The following ANO2 variants were observed in gnomAD, a reference collection of about 807,000 sequenced individuals.
The protein encoded by ANO2 is anoctamin-2.
ANO2 carries 101 observed loss-of-function variants against 124.2 expected under a neutral mutation model. The observed-to-expected ratio is 0.81, with a 90% CI of 0.69 to 0.96. ANO2 has a LOEUF of 0.96. Ranked by LOEUF, ANO2 falls within the 40% of genes least tolerant of loss-of-function variation. ANO2 has a pLI of 0.00. For synonymous variants in ANO2, 486 were observed against 482.5 expected (o/e 1.01, Z -0.09); for missense variants, 1,293 against 1,274.5 (o/e 1.01, Z -0.22).
chr12:5,689,718 G>A (rs994356435), intron 14 of ANO2, among the ~76,000 whole-genome samples: 1 of 152,118 alleles, frequency 6.6e-6, no homozygotes, highest in African/African-American at 2.4e-5. Flanking sequence ...CTACAGCACT[G>A]GATAGGCTTA....
chr12:5,747,903 G>A (rs1343148350), intron 11 of ANO2, among the ~76,000 whole-genome samples: 2 of 152,216 alleles, frequency 1.3e-5, no homozygotes, highest in African/African-American at 2.4e-5. Flanking sequence ...CCGCAGTAAC[G>A]ACTGCATTTT....
At chr12:5,825,023 G>C (rs1370208868) in intron 7 of ANO2, among the ~76,000 whole-genome samples, 2 of 152,188 alleles carry the variant, frequency 1.3e-5, no homozygotes, top group Non-Finnish European at 2.9e-5. Context: ...GGAAATTCTG[G>C]GAGATACAAT....
At chr12:5,613,680 T>C (rs765194799) in intron 17 of ANO2, among the ~76,000 whole-genome samples, 1 of 152,200 alleles carries the variant, frequency 6.6e-6, no homozygotes, top group Non-Finnish European at 1.5e-5. Context: ...GAAGTCTTCT[T>C]GTTGTCTCCG....
chr12:5,704,901 T>C (rs1216491773), intron 14 of ANO2, among the ~76,000 whole-genome samples: 1 of 152,234 alleles, frequency 6.6e-6, no homozygotes, highest in Non-Finnish European at 1.5e-5. Flanking sequence ...AAGGTGGTTA[T>C]ATTTTTAAAA....
chr12:5,695,375 TAAAAA>T (rs78967769), intron 14 of ANO2, among the ~76,000 whole-genome samples: 1 of 127,822 alleles, frequency 7.8e-6, no homozygotes. Context: ...ACATGGAACT[TAAAAA>T]AAAAAAAAAA....
intron 16 of ANO2, among the ~76,000 whole-genome samples, chr12:5,619,827 C>T (rs1237137635): frequency 2.0e-5 from 3 of 152,242 alleles, no homozygotes; most frequent in African/African-American, 7.2e-5. Context: ...TTTAGACGTG[C>T]TGAAACTGAA....
chr12:5,813,082 AAAAAAGGAAGAG>A (rs1953487908), intron 7 of ANO2, among the ~76,000 whole-genome samples: 1 of 150,926 alleles, frequency 6.6e-6, no homozygotes, highest in Admixed American at 6.6e-5. Context: ...AAGAGGAAGG[AAAAAAGGAAGAG>A]AGGAAGGAAG....
intron 3 of ANO2, among the ~76,000 whole-genome samples, chr12:5,920,326 G>A (rs903511032): frequency 1.3e-5 from 2 of 152,012 alleles, no homozygotes; most frequent in Non-Finnish European, 2.9e-5. Flanking sequence ...TCATATAGAG[G>A]AATTTTATTC....
At chr12:5,669,156 T>C (rs61908098) in intron 14 of ANO2, among the ~76,000 whole-genome samples, 36,362 of 152,070 alleles carry the variant, frequency 0.24, 4,494 homozygotes, top group South Asian at 0.32. Flanking sequence ...CAATATTGAT[T>C]CTTCCTATCC....
intron 14 of ANO2, among the ~76,000 whole-genome samples, chr12:5,686,988 T>C (rs1948736750): frequency 6.6e-6 from 1 of 152,180 alleles, no homozygotes; most frequent in East Asian, 1.9e-4. Flanking sequence ...TGGGTGTGCA[T>C]GCACATGCCC....
At chr12:5,750,227 A>C (rs1050803886) in intron 11 of ANO2, among the ~76,000 whole-genome samples, 1 of 151,820 alleles carries the variant, frequency 6.6e-6, no homozygotes, top group Admixed American at 6.6e-5. Flanking sequence ...GAGCCACCAT[A>C]CTCATCCCAT....
At chr12:5,742,706 A>T (rs961216951) in intron 12 of ANO2, among the ~76,000 whole-genome samples, 14 of 152,238 alleles carry the variant, frequency 9.2e-5, no homozygotes, top group African/African-American at 3.4e-4. Context: ...TCTGCAAGAC[A>T]AATTATGGGC....
chr12:5,692,214 C>T (rs1948974840), intron 14 of ANO2, among the ~76,000 whole-genome samples: 1 of 151,878 alleles, frequency 6.6e-6, no homozygotes, highest in Non-Finnish European at 1.5e-5. Flanking sequence ...ATGTTCAGAG[C>T]AAGGATAGAT....
intron 14 of ANO2, among the ~76,000 whole-genome samples, chr12:5,718,403 A>T (rs1425352900): frequency 6.6e-6 from 1 of 152,216 alleles, no homozygotes. Flanking sequence ...AGGGGTGAAC[A>T]AGGGTTTGGA....
chr12:5,898,282 T>G (rs770281357), intron 3 of ANO2, among the ~76,000 whole-genome samples: 3 of 152,178 alleles, frequency 2.0e-5, no homozygotes, highest in Non-Finnish European at 4.4e-5. Flanking sequence ...GGAACTCTCC[T>G]ACACTACTAA....
At chr12:5,612,979 AAG>A (rs1451016725) in intron 17 of ANO2, 21 bp from the exon 18 acceptor site, 1 of 1,613,308 alleles carries the variant, frequency 6.2e-7, no homozygotes, top group African/African-American at 1.3e-5. Flanking sequence ...ACAGTGTGGG[AAG>A]AGTTAGGGGA....
intron 20 of ANO2, among the ~76,000 whole-genome samples, chr12:5,591,946 A>T (rs1404388937): frequency 6.6e-6 from 1 of 152,196 alleles, no homozygotes; most frequent in Non-Finnish European, 1.5e-5. Context: ...TCTGAAAGAG[A>T]TCATCTCACC....
chr12:5,621,374 GA>G (rs1235747310), intron 16 of ANO2, among the ~76,000 whole-genome samples: 1 of 152,222 alleles, frequency 6.6e-6, no homozygotes, highest in East Asian at 1.9e-4. Flanking sequence ...GTATTCCAAG[GA>G]GGACAAATTC....
chr12:5,930,263 C>G (rs374608618), intron 1 of ANO2, among the ~76,000 whole-genome samples: 17 of 151,874 alleles, frequency 1.1e-4, no homozygotes, highest in East Asian at 3.9e-4. Context: ...TATACAATAC[C>G]TGGGAAGTTA....
Sources: allele counts gnomAD v4.1 joint callset (sites outside exome capture counted in the v4.1 genomes callset), GRCh38; gene constraint gnomAD v4.1.1; transcripts MANE v1.5; gene names NCBI Gene and HGNC (gene_info 2026-07-23, HGNC 2026-07-21).